The following ZFHX3 variants were observed in gnomAD, a reference collection of about 807,000 sequenced individuals.
The protein encoded by ZFHX3 is zinc finger homeobox 3, also known as zinc finger homeobox protein 3.
ZFHX3 carries 42 observed loss-of-function variants against 279.1 expected under a neutral mutation model. The ratio of observed to expected loss-of-function variants is 0.15; its 90% CI spans 0.12 to 0.19. The LOEUF is 0.19. Among genes scored for constraint, ZFHX3 ranks in the 10% least tolerant of loss-of-function variants. The pLI is 1.00. For missense variants in ZFHX3, 4,981 were observed against 4,754.0 expected (o/e 1.05, Z -1.40); for synonymous variants, 2,293 against 1,957.8 (o/e 1.17, Z -4.52).
intron 1 of ZFHX3, among the ~76,000 whole-genome samples, chr16:73,013,877 G>A (rs996874780): frequency 6.6e-6 from 1 of 152,140 alleles, no homozygotes; most frequent in Non-Finnish European, 1.5e-5. Context: ...CCGTGCAGTA[G>A]CTGAATAACA....
rs1000108439 is a variant in ZFHX3, at chr16:73,014,518, C to CTTTTTTT, written c.-50+33227_-50+33233dup. The CTTTTTTT allele has an allele frequency of 3.6e-3, 231 of 63,410 alleles. 7 individuals carry two copies. The highest frequency in any genetic ancestry group is 4.7e-3 in the Non-Finnish European group (162 of 34,418). 3.9% of individuals were successfully genotyped at this position (63,410 alleles called of 1,614,324 possible). A position where few individuals can be genotyped will look rare whatever the true frequency, so the allele number is the denominator to read the frequency against. ...AACAAGTTTGTGGTAATTTCTTCTT[C>CTTTTTTT]TTTTTTTTTTTTTTTTTTTTTTTTT... is the stretch of plus-strand genomic sequence containing the variant. On this transcript the variant is annotated intron_variant, in intron 1 of 9. Transcript: ENST00000268489.
intron 3 of ZFHX3, among the ~76,000 whole-genome samples, chr16:73,322,491 G>A (rs890891181): frequency 2.0e-5 from 3 of 152,154 alleles, no homozygotes; most frequent in South Asian, 2.1e-4. Context: ...GTTTAGCTTC[G>A]GGTGTTGCAG....
intron 1 of ZFHX3, among the ~76,000 whole-genome samples, chr16:73,874,932 G>T (rs1190249075): frequency 1.3e-5 from 2 of 152,016 alleles, no homozygotes; most frequent in African/African-American, 4.8e-5. Context: ...TCCACAAATG[G>T]GTATTTTATA....
chr16:73,695,071 G>T (rs1385841011), intron 1 of ZFHX3, among the ~76,000 whole-genome samples: 1 of 152,174 alleles, frequency 6.6e-6, no homozygotes. Context: ...ATTTACACAA[G>T]GGATTACAAA....
chr16:73,063,257 C>T (rs1248515170), upstream of ZFHX3, among the ~76,000 whole-genome samples: 1 of 152,206 alleles, frequency 6.6e-6, no homozygotes, highest in African/African-American at 2.4e-5. Context: ...GTGCAGCCAC[C>T]GGCAGCTGTG....
At chr16:73,228,712 G>C (rs1358077799) in intron 5 of ZFHX3, among the ~76,000 whole-genome samples, 3 of 152,132 alleles carry the variant, frequency 2.0e-5, no homozygotes, top group Non-Finnish European at 4.4e-5. Context: ...TAAAAATGTT[G>C]TGGGCCTGAA....
chr16:73,555,868 G>A (rs1449224429), intron 2 of ZFHX3, among the ~76,000 whole-genome samples: 2 of 151,852 alleles, frequency 1.3e-5, no homozygotes, highest in African/African-American at 2.4e-5. Flanking sequence ...ATGCAGTTAC[G>A]AGGTAAACAA....
At chr16:73,178,286 C>T (rs548614132) in intron 5 of ZFHX3, among the ~76,000 whole-genome samples, 6 of 151,982 alleles carry the variant, frequency 3.9e-5, no homozygotes, top group African/African-American at 1.2e-4. Context: ...TACAGGCACC[C>T]GCCACAACAC....
rs1301825666 is a variant in ZFHX3 at position 73,364,519 on chromosome 16, C to A, written c.-1290-46183G>T. ...TTATATGTATAATCACTCTACTAAG[C>A]AAATAATTACAAATTAGCCAAGTGC... On this transcript the variant is annotated intron_variant, in intron 3 of 17. Coordinates refer to the ZFHX3 transcript ENST00000641206. Among the ~76,000 whole-genome samples, 3 of 152,050 alleles carry A rather than the reference C, an allele frequency of 2.0e-5. No individual in the cohort carries two copies. In the East Asian group the frequency reaches 5.8e-4, roughly 29 times the overall value.
chr16:73,553,380 A>C (rs1212012827), intron 2 of ZFHX3, among the ~76,000 whole-genome samples: 3 of 152,170 alleles, frequency 2.0e-5, no homozygotes, highest in Non-Finnish European at 2.9e-5. Flanking sequence ...ATGAGATAAA[A>C]ATATACAGAT....
At position 73,384,879 on chromosome 16, in the gene ZFHX3, C is replaced by T. The variant is rs529875864; in HGVS notation, c.-1290-66543G>A. The stretch of plus-strand genomic sequence containing the variant: ...CTTTGGGCAGGGCTGACTCCAGGCT[C>T]AGCCCAATCAGCATCTTGCATCCCT... On this transcript the variant is annotated intron_variant, in intron 3 of 17. Coordinates refer to the ZFHX3 transcript ENST00000641206. Among the ~76,000 whole-genome samples the T allele has an allele frequency of 7.9e-5, 12 of 152,340 alleles. No individual in the cohort carries two copies. In the East Asian group the frequency reaches 2.3e-3, roughly 29 times the overall value.
chr16:73,759,146 G>A (rs1391225700), intron 1 of ZFHX3, among the ~76,000 whole-genome samples: 1 of 152,228 alleles, frequency 6.6e-6, no homozygotes, highest in Non-Finnish European at 1.5e-5. Context: ...CAAGACAGAA[G>A]TCTATTTCTC....
rs755308796 is a variant in ZFHX3 at position 73,296,877 on chromosome 16, A to ATGTTTTTTTTTTTTTTTTTT, written c.-1194+21362_-1194+21363insAAAAAAAAAAAAAAAAAACA. On this transcript the variant is annotated intron_variant, in intron 4 of 17. Coordinates refer to the ZFHX3 transcript ENST00000641206. ...TTTATAATTGCCATGTGAAGCAGGA[A>ATGTTTTTTTTTTTTTTTTTT]TTTTTTTTTTTTTTTTTTTGAGACG... 1.5e-4 allele frequency among the ~76,000 whole-genome samples: 17 copies of ATGTTTTTTTTTTTTTTTTTT among 116,066 alleles called. 1 individual carries two copies. Among genetic ancestry groups the ATGTTTTTTTTTTTTTTTTTT allele is most frequent in the African/African-American group, 3.8e-4 (11 of 28,706 alleles). The allele number at this position is 116,066 out of a possible 152,430, so 76.1% of individuals were successfully genotyped here. A position where few individuals can be genotyped will look rare whatever the true frequency, so the allele number is the denominator to read the frequency against.
chr16:73,885,089 C>G (rs896166814), intron 1 of ZFHX3, among the ~76,000 whole-genome samples: 1 of 151,862 alleles, frequency 6.6e-6, no homozygotes, highest in African/African-American at 2.4e-5. Flanking sequence ...CTGAAGTCTG[C>G]TGCTGAAAGG....
chr16:73,727,860 G>A (rs1483642479), intron 1 of ZFHX3, among the ~76,000 whole-genome samples: 2 of 152,110 alleles, frequency 1.3e-5, no homozygotes, highest in Non-Finnish European at 2.9e-5. Context: ...AAACCCCATT[G>A]CTATGGACTT....
chr16:72,896,049 T>C (rs1161120454), intron 3 of ZFHX3, among the ~76,000 whole-genome samples: 1 of 152,116 alleles, frequency 6.6e-6, no homozygotes, highest in Non-Finnish European at 1.5e-5. Context: ...GAAGGAAGTA[T>C]CTAGTTTGAG....
chr16:73,400,886 C>CT (rs2017237144), intron 3 of ZFHX3: 1 of 152,212 alleles, frequency 6.6e-6, no homozygotes, highest in South Asian at 2.1e-4. Flanking sequence ...AGAGGGCACA[C>CT]TGTCTTTCCC....
At position 73,416,652 on chromosome 16, in the gene ZFHX3, C is replaced by T. The variant is rs566343539; in HGVS notation, c.-1291+39351G>A. Among the ~76,000 whole-genome samples the T allele has an allele frequency of 1.0e-3, 157 of 152,008 alleles. 1 individual carries two copies. Among genetic ancestry groups the T allele is most frequent in the African/African-American group, 2.8e-3 (117 of 41,472 alleles). The stretch of plus-strand genomic sequence containing the variant: ...ACTTTGGGAGGCCGAGGCGGGTGGA[C>T]CACGAGGTCAGGAGATCGAGACCAT... On this transcript the variant is annotated intron_variant, in intron 3 of 17. Transcript: ENST00000641206.
At chr16:72,907,545 TTGTGTGTGTGTGTGTG>T (rs547618913) in intron 3 of ZFHX3, among the ~76,000 whole-genome samples, 1,276 of 120,472 alleles carry the variant, frequency 0.011, 23 homozygotes, top group South Asian at 0.047. Context: ...TTTCCTCTAT[TTGTGTGTGTGTGTGTG>T]TGTGTGTGTG....
Sources: gnomAD v4.1 joint callset for allele counts (sites outside exome capture counted in the v4.1 genomes callset) on GRCh38, gnomAD v4.1.1 for gene constraint, MANE v1.5 for transcripts, NCBI Gene and HGNC (gene_info 2026-07-23, HGNC 2026-07-21) for gene names.